The following PRDM6 variants were observed in gnomAD, a reference collection of about 807,000 sequenced individuals.
PRDM6 encodes PR/SET domain 6.
Under a neutral mutation model 60.8 loss-of-function variants are expected in PRDM6, and 25 were observed. The ratio of observed to expected loss-of-function variants is 0.41; its 90% CI spans 0.30 to 0.57. PRDM6 has a LOEUF of 0.57. PRDM6 is among the 20% of genes least tolerant of loss of function. The pLI is 0.27. For missense variants in PRDM6, 839 were observed against 821.3 expected (o/e 1.02, Z -0.26); for synonymous variants, 407 against 357.4 (o/e 1.14, Z -1.57).
intron 5 of PRDM6, among the ~76,000 whole-genome samples, chr5:123,164,021 A>G (rs927954859): frequency 6.6e-6 from 1 of 152,214 alleles, no homozygotes; most frequent in Admixed American, 6.5e-5. Flanking sequence ...GGAAGGCCCT[A>G]CTCAAGCCCT....
chr5:123,141,816 G>A (rs1765109952), intron 3 of PRDM6, among the ~76,000 whole-genome samples: 1 of 152,116 alleles, frequency 6.6e-6, no homozygotes, highest in South Asian at 2.1e-4. Flanking sequence ...GTGTGTGTCA[G>A]GCTCTTCACA....
Position 123,193,864 on chromosome 5 carries a change from A to C in PRDM6, c.*6663A>C, listed in dbSNP as rs1383990823. 2 of 152,168 alleles carry C rather than the reference A, an allele frequency of 1.3e-5. No individual in the cohort carries two copies. The highest frequency in any genetic ancestry group is 2.4e-5 in the African/African-American group (1 of 41,446). The allele number at this position is 152,168 out of a possible 1,614,324, so 9.4% of individuals were successfully genotyped here. ...CTGGAATAGAAATATGTCTCTCTCC[A>C]ACTTTCCACCAAATAAAATGGTTAG... On this transcript the variant is annotated 3_prime_UTR_variant, in exon 8 of 8. Coordinates refer to ENST00000407847, the MANE Select transcript of PRDM6 (RefSeq NM_001136239.4).
intron 3 of PRDM6, among the ~76,000 whole-genome samples, chr5:123,102,628 A>C (rs1764128847): frequency 6.6e-6 from 1 of 152,172 alleles, no homozygotes; most frequent in Non-Finnish European, 1.5e-5. Flanking sequence ...AATGTATTAA[A>C]AAAATTAAAA....
In PRDM6 at chr5:123,191,214, A is replaced by G. The variant is rs766763255; in HGVS notation, c.*4013A>G. 6.6e-6 allele frequency: 1 copy of G among 152,194 alleles called. No homozygotes were observed. Among genetic ancestry groups the G allele is most frequent in the African/African-American group, 2.4e-5 (1 of 41,452 alleles). The allele number at this position is 152,194 out of a possible 1,614,324, so 9.4% of individuals were successfully genotyped here. A position where few individuals can be genotyped will look rare whatever the true frequency, so the allele number is the denominator to read the frequency against. ...CATTAGTGGTAAGCGTTGGCAGTGT[A>G]GTCCCTTTCCCCGGTGTGCAGAAGT... On this transcript the variant is annotated 3_prime_UTR_variant, in exon 8 of 8. Transcript: ENST00000407847.
chr5:123,138,412 T>A (rs1247574771), intron 3 of PRDM6, among the ~76,000 whole-genome samples: 1 of 152,260 alleles, frequency 6.6e-6, no homozygotes, highest in Non-Finnish European at 1.5e-5. Context: ...GAGCATTTAC[T>A]CATTTGCTTT....
intron 3 of PRDM6, among the ~76,000 whole-genome samples, chr5:123,102,330 T>G (rs1215180750): frequency 6.6e-6 from 1 of 152,182 alleles, no homozygotes; most frequent in African/African-American, 2.4e-5. Flanking sequence ...TTAAAATTTT[T>G]AAGCATTATG....
At chr5:123,102,316 G>A (rs371564153) in intron 3 of PRDM6, among the ~76,000 whole-genome samples, 1 of 152,058 alleles carries the variant, frequency 6.6e-6, no homozygotes, top group Non-Finnish European at 1.5e-5. Context: ...TATAGAATAT[G>A]AGTTTAAAAT....
chr5:123,147,876 C>T (rs750366706), intron 3 of PRDM6, among the ~76,000 whole-genome samples: 4 of 152,202 alleles, frequency 2.6e-5, no homozygotes, highest in African/African-American at 4.8e-5. Flanking sequence ...CGGCTGCCGC[C>T]GCCTTCAGAG....
intron 4 of PRDM6, among the ~76,000 whole-genome samples, chr5:123,159,233 A>C (rs563599918): frequency 1.3e-5 from 2 of 152,316 alleles, no homozygotes; most frequent in South Asian, 4.1e-4. Context: ...AAATTTTTTT[A>C]AAATTAATTC....
At chr5:123,149,024 G>A (rs1448921564) in intron 3 of PRDM6, among the ~76,000 whole-genome samples, 1 of 152,214 alleles carries the variant, frequency 6.6e-6, no homozygotes, top group Non-Finnish European at 1.5e-5. Flanking sequence ...AAATAAGTCT[G>A]TAAAAGTATT....
At chr5:123,165,288 AT>A (rs1356209242) in intron 5 of PRDM6, among the ~76,000 whole-genome samples, 2 of 152,184 alleles carry the variant, frequency 1.3e-5, no homozygotes, top group Non-Finnish European at 2.9e-5. Flanking sequence ...TGCCTCTCCC[AT>A]CTTTCAGCAG....
chr5:123,114,331 C>T (rs765745235), intron 3 of PRDM6, among the ~76,000 whole-genome samples: 6 of 152,194 alleles, frequency 3.9e-5, no homozygotes, highest in Non-Finnish European at 7.3e-5. Context: ...TGTGATTTTG[C>T]CTGTGCTATT....
rs1766333492 is a variant in PRDM6, at chr5:123,188,260, CAAG to C, written c.*1060_*1062del. ...CAAACACAAGTGAAAATAGCCCAGA[CAAG>C]GAGACTTTGAGAGGAGGAACCATGG... On this transcript the variant is annotated 3_prime_UTR_variant, in exon 8 of 8. Coordinates refer to ENST00000407847, the MANE Select transcript of PRDM6 (RefSeq NM_001136239.4). 1 of 152,166 alleles carries C rather than the reference CAAG, an allele frequency of 6.6e-6. No individual in the cohort carries two copies. Among genetic ancestry groups the C allele is most frequent in the Admixed American group, 6.5e-5 (1 of 15,280 alleles). 9.4% of individuals were successfully genotyped at this position (152,166 alleles called of 1,614,324 possible). A position where few individuals can be genotyped will look rare whatever the true frequency, so the allele number is the denominator to read the frequency against.
Position 123,180,222 on chromosome 5 carries a change from T to C in PRDM6, c.1572T>C (p.Ser524=). ...TGAGGAACCACGTGGTCACTCACTC[T>C]AGTGACCGGCCTTTCAAGTGCGGCT... ...SELRNHVVTH[S]SDRPFKCGYC... is the part of the protein sequence containing the mutation. Residue 524 remains serine, a synonymous_variant, in exon 7 of 8, where the codon TCT becomes TCC. Transcript: ENST00000407847. 6.4e-7 allele frequency: 1 copy of C among 1,552,022 alleles called. No individual in the cohort carries two copies. Among genetic ancestry groups the C allele is most frequent in the Non-Finnish European group, 8.7e-7 (1 of 1,146,996 alleles).
chr5:123,152,843 A>G (rs1765400402), intron 3 of PRDM6, among the ~76,000 whole-genome samples: 1 of 152,224 alleles, frequency 6.6e-6, no homozygotes, highest in Admixed American at 6.5e-5. Flanking sequence ...TTCTTGTGGT[A>G]GCTTTCGGTT....
chr5:123,162,961 A>G (rs1239450361), intron 5 of PRDM6, among the ~76,000 whole-genome samples: 1 of 152,236 alleles, frequency 6.6e-6, no homozygotes, highest in Admixed American at 6.5e-5. Flanking sequence ...ATAATTTAAC[A>G]GATAGCCTTC....
At chr5:123,185,745 A>G (rs927731991) in intron 7 of PRDM6, among the ~76,000 whole-genome samples, 1 of 152,228 alleles carries the variant, frequency 6.6e-6, no homozygotes, top group African/African-American at 2.4e-5. Flanking sequence ...GTTCAAAAAC[A>G]TGCAAGAATT....
intron 1 of PRDM6, 29 bp from the exon 2 acceptor site, chr5:123,089,971 G>A (rs938451709): frequency 1.7e-5 from 25 of 1,480,610 alleles, no homozygotes; most frequent in Non-Finnish European, 2.1e-5. Context: ...CAGCTCACGC[G>A]CCCCCTCTTC....
chr5:123,110,151 C>G (rs951625011), intron 3 of PRDM6, among the ~76,000 whole-genome samples: 2 of 151,796 alleles, frequency 1.3e-5, no homozygotes, highest in Admixed American at 1.3e-4. Context: ...AAGTGACACT[C>G]TGCAGTTAGA....
Sources: allele counts gnomAD v4.1 joint callset (sites outside exome capture counted in the v4.1 genomes callset), GRCh38; gene constraint gnomAD v4.1.1; transcripts MANE v1.5; gene names NCBI Gene and HGNC (gene_info 2026-07-23, HGNC 2026-07-21).